Variants in NRIP1 observed in about 807,000 individuals in gnomAD.
The protein encoded by NRIP1 is nuclear receptor interacting protein 1.
In NRIP1, 28 loss-of-function variants were observed where a neutral mutation model predicts 75.0. The observed-to-expected ratio is 0.37, with a 90% confidence interval of 0.28 to 0.51. The LOEUF is 0.51. Among genes scored for constraint, NRIP1 ranks in the 20% least tolerant of loss-of-function variants. The pLI is 0.92. For missense variants in NRIP1, 1,435 were observed against 1,343.7 expected (o/e 1.07, Z -1.06); for synonymous variants, 526 against 487.6 (o/e 1.08, Z -1.04).
rs2088842788 is a variant in NRIP1, at chr21:15,036,766, T to C, written c.-458+6729A>G. On this transcript the variant is annotated intron_variant, in intron 2 of 3. Transcript: ENST00000318948. The stretch of plus-strand genomic sequence containing the variant: ...CTTAGCAATATTTAAAAAATACTCT[T>C]AAGAAATAGAATTGAAAAGGTTGGG... Among the ~76,000 whole-genome samples the C allele has an allele frequency of 2.0e-5, 3 of 152,206 alleles. No individual in the cohort carries two copies. In the South Asian group the frequency reaches 6.2e-4, roughly 31 times the overall value.
chr21:14,982,643 G>A (rs926350304), intron 3 of NRIP1, among the ~76,000 whole-genome samples: 3 of 151,556 alleles, frequency 2.0e-5, no homozygotes, highest in African/African-American at 4.8e-5. Flanking sequence ...AAAACTGTAC[G>A]GTCACACGTC....
At chr21:15,001,605 C>T (rs957581757) in intron 3 of NRIP1, among the ~76,000 whole-genome samples, 4 of 151,130 alleles carry the variant, frequency 2.6e-5, no homozygotes, top group Non-Finnish European at 4.4e-5. Flanking sequence ...TTTCTACAAC[C>T]GAATAAAACA....
Position 15,026,545 on chromosome 21 carries a change from ATCT to A in NRIP1, c.-457-12082_-457-12080del, listed in dbSNP as rs768270047. Among the ~76,000 whole-genome samples the A allele has an allele frequency of 2.6e-5, 4 of 152,276 alleles. No individual in the cohort carries two copies. In the South Asian group the frequency reaches 6.2e-4, roughly 24 times the overall value. On this transcript the variant is annotated intron_variant, in intron 2 of 3. Coordinates refer to ENST00000318948, the MANE Select transcript of NRIP1 (RefSeq NM_003489.4). ...GGGTATATACCCTAGAGTCTTGCAC[ATCT>A]TCTTCAGAACACATATAAAAGAACG... is the stretch of plus-strand genomic sequence containing the variant.
chr21:15,038,501 T>C (rs138783398), intron 2 of NRIP1, among the ~76,000 whole-genome samples: 1,901 of 152,172 alleles, frequency 0.012, 32 homozygotes, highest in African/African-American at 0.042. Context: ...AATGTACTTC[T>C]CAGACTGATT....
intron 1 of NRIP1, among the ~76,000 whole-genome samples, chr21:15,060,048 T>C (rs2089391222): frequency 6.6e-6 from 1 of 152,194 alleles, no homozygotes; most frequent in Non-Finnish European, 1.5e-5. Flanking sequence ...ACTTTTGTAA[T>C]TCTTCATTTG....
At position 14,966,056 on chromosome 21, in the gene NRIP1, G is replaced by A. The variant is rs763505061; in HGVS notation, c.2137C>T (p.Leu713Phe). 1 of 1,612,838 alleles carries A rather than the reference G, an allele frequency of 6.2e-7. No homozygotes were observed. The highest frequency in any genetic ancestry group is 8.5e-7 in the Non-Finnish European group (1 of 1,179,930). ...IENLLERRTV[L>F]QLLLGNPNKG... ...TTGGGGTTCCCCAGGAGCAACTGGAGGACAGTACGTCTTTCAAGCAGATTT... is the reference window on the plus strand; with the variant it reads ...TTGGGGTTCCCCAGGAGCAACTGGAAGACAGTACGTCTTTCAAGCAGATTT... The change falls in exon 4 of 4, where the codon CTC becomes TTC. Residue 713 changes from leucine (L) to phenylalanine (F), a missense_variant. Physicochemically the swap from Leu to Phe is conservative, Grantham distance 22. Coordinates refer to ENST00000318948, the MANE Select transcript of NRIP1 (RefSeq NM_003489.4).
intron 1 of NRIP1, among the ~76,000 whole-genome samples, chr21:15,060,740 C>A (rs1281309603): frequency 3.3e-5 from 5 of 152,132 alleles, no homozygotes; most frequent in African/African-American, 4.8e-5. Flanking sequence ...CAAACAACCA[C>A]TATTTATATA....
At chr21:15,053,169 G>A (rs951680325) in intron 1 of NRIP1, among the ~76,000 whole-genome samples, 2 of 152,134 alleles carry the variant, frequency 1.3e-5, no homozygotes, top group Non-Finnish European at 1.5e-5. Context: ...TTAGAGTACT[G>A]CCAAAACAAT....
chr21:15,056,898 C>T (rs1359611893), intron 1 of NRIP1, among the ~76,000 whole-genome samples: 1 of 152,064 alleles, frequency 6.6e-6, no homozygotes, highest in East Asian at 1.9e-4. Flanking sequence ...GGTGGAGAAG[C>T]TCATAACTCC....
chr21:15,029,398 C>T (rs778624040), intron 2 of NRIP1, among the ~76,000 whole-genome samples: 9 of 152,120 alleles, frequency 5.9e-5, no homozygotes, highest in African/African-American at 1.2e-4. Context: ...AGTCACCCTC[C>T]GAGTAAGGCC....
At chr21:15,035,549 T>C (rs1275686673) in intron 2 of NRIP1, among the ~76,000 whole-genome samples, 3 of 149,458 alleles carry the variant, frequency 2.0e-5, no homozygotes, top group Non-Finnish European at 3.0e-5. Flanking sequence ...GTTTAAATTG[T>C]ATATGACTTT....
intron 3 of NRIP1, among the ~76,000 whole-genome samples, chr21:14,983,170 C>A: frequency 6.7e-6 from 1 of 148,476 alleles, no homozygotes; most frequent in Non-Finnish European, 1.5e-5. Context: ...CAAGACAGGC[C>A]AAAAGCTCAG....
chr21:15,003,456 C>T (rs1182999179), intron 3 of NRIP1, among the ~76,000 whole-genome samples: 2 of 152,110 alleles, frequency 1.3e-5, no homozygotes, highest in Non-Finnish European at 2.9e-5. Flanking sequence ...AATGTTTAAT[C>T]GATACTGATG....
At chr21:15,022,513 G>A (rs190763211) in intron 2 of NRIP1, among the ~76,000 whole-genome samples, 88 of 152,214 alleles carry the variant, frequency 5.8e-4, no homozygotes, top group Admixed American at 3.2e-3. Flanking sequence ...AAAAACTTGC[G>A]CATCCTGCAC....
rs747790756 is a variant in NRIP1, at chr21:14,966,372, G to A, written c.1821C>T (p.Asp607=). Residue 607 remains aspartate (D), a synonymous_variant, in exon 4 of 4, where the codon GAC becomes GAT. Transcript: ENST00000318948. ...NHSMDLTKSK[D]PPGEKPAQNE... is the part of the protein sequence containing the mutation. ...TTTGGGCTGGTTTCTCTCCTGGTGG[G>A]TCTTTGCTTTTTGTAAGGTCCATTG... 1.2e-6 allele frequency: 2 copies of A among 1,613,878 alleles called. No individual in the cohort carries two copies. Among genetic ancestry groups the A allele is most frequent in the Non-Finnish European group, 8.5e-7 (1 of 1,179,962 alleles).
At chr21:15,004,626 A>G (rs550946758) in intron 3 of NRIP1, among the ~76,000 whole-genome samples, 3 of 152,392 alleles carry the variant, frequency 2.0e-5, no homozygotes, top group Admixed American at 6.5e-5. Flanking sequence ...CCGAGTGTTC[A>G]TGGACATGGT....
rs1279865590 is a variant in NRIP1 at position 15,060,114 on chromosome 21, A to T, written c.-538+4631T>A. On this transcript the variant is annotated intron_variant, in intron 1 of 3. Coordinates refer to ENST00000318948, the MANE Select transcript of NRIP1 (RefSeq NM_003489.4). ...TTGAATTTCAAGGTTCATGATATAG[A>T]GTATGTACCATAACAGTGAGAAAAG... is the stretch of plus-strand genomic sequence containing the variant. 2.6e-5 allele frequency among the ~76,000 whole-genome samples: 4 copies of T among 152,128 alleles called. No homozygotes were observed. In the East Asian group the frequency reaches 7.7e-4, roughly 29 times the overall value.
At position 15,058,894 on chromosome 21, in the gene NRIP1, A is replaced by G. The variant is rs145297953; in HGVS notation, c.-538+5851T>C. ...AAAGCAAATCACCAGACTTTTACAT[A>G]GTACCCTCACATAGCTAGATAAGAA... On this transcript the variant is annotated intron_variant, in intron 1 of 3. Coordinates refer to ENST00000318948, the MANE Select transcript of NRIP1 (RefSeq NM_003489.4). 1.1e-4 allele frequency among the ~76,000 whole-genome samples: 16 copies of G among 152,332 alleles called. 1 individual carries two copies. In the East Asian group the frequency reaches 2.9e-3, roughly 28 times the overall value.
rs869160226 is a variant in NRIP1, at chr21:15,012,447, C to CTTTTTTTTT, written c.-335+1888_-335+1896dup. 1.0e-3 allele frequency among the ~76,000 whole-genome samples: 80 copies of CTTTTTTTTT among 79,366 alleles called. 6 individuals carry two copies. Among genetic ancestry groups the CTTTTTTTTT allele is most frequent in the East Asian group, 3.6e-3 (7 of 1,946 alleles). 52.1% of individuals were successfully genotyped at this position (79,366 alleles called of 152,430 possible). A position where few individuals can be genotyped will look rare whatever the true frequency, so the allele number is the denominator to read the frequency against. ...AGTTGTTCACTATACATTATAATGT[C>CTTTTTTTTT]TTTTTTTTTTTTTTTTTTTTTTTTT... On this transcript the variant is annotated intron_variant, in intron 3 of 3. Coordinates refer to ENST00000318948, the MANE Select transcript of NRIP1 (RefSeq NM_003489.4).
Sources: allele counts gnomAD v4.1 joint callset (sites outside exome capture counted in the v4.1 genomes callset), GRCh38; gene constraint gnomAD v4.1.1; transcripts MANE v1.5; gene names NCBI Gene and HGNC (gene_info 2026-07-23, HGNC 2026-07-21).